Variants in CSGALNACT1 observed in about 807,000 individuals in gnomAD.
The protein encoded by CSGALNACT1 is chondroitin sulfate N-acetylgalactosaminyltransferase 1, also known as beta4GalNAcT-1.
Under a neutral mutation model 51.0 loss-of-function variants are expected in CSGALNACT1, and 52 were observed. The observed-to-expected ratio is 1.02, with a 90% CI of 0.82 to 1.29. CSGALNACT1 has a LOEUF of 1.29. Among genes scored for constraint, CSGALNACT1 ranks in the 50% most tolerant of loss-of-function variants. The probability of loss-of-function intolerance (pLI) is 0.00; values close to 1 mark genes in which losing one functional copy is unlikely to be tolerated. For synonymous variants in CSGALNACT1, 341 were observed against 254.4 expected (o/e 1.34, Z -3.24); for missense variants, 935 against 679.2 (o/e 1.38, Z -4.19).
At chr8:19,753,809 G>C (rs1202074289) in intron 1 of CSGALNACT1, among the ~76,000 whole-genome samples, 1 of 152,134 alleles carries the variant, frequency 6.6e-6, no homozygotes, top group African/African-American at 2.4e-5. Flanking sequence ...TATATACATT[G>C]TCAGTAATTT....
intron 1 of CSGALNACT1, among the ~76,000 whole-genome samples, chr8:19,737,565 A>G (rs1469791090): frequency 6.6e-6 from 1 of 152,164 alleles, no homozygotes; most frequent in Non-Finnish European, 1.5e-5. Context: ...TAGAATGTGT[A>G]ACTTCCAAAC....
chr8:19,617,166 A>G (rs2053144407), intron 1 of CSGALNACT1, among the ~76,000 whole-genome samples: 1 of 152,186 alleles, frequency 6.6e-6, no homozygotes, highest in South Asian at 2.1e-4. Flanking sequence ...GCAGTTCACA[A>G]TAGGGTTAAC....
chr8:19,514,015 G>T (rs1769503270), intron 3 of CSGALNACT1, among the ~76,000 whole-genome samples: 2 of 152,120 alleles, frequency 1.3e-5, no homozygotes, highest in Non-Finnish European at 2.9e-5. Context: ...GTTTTCAGGT[G>T]TCAGAGATCT....
In CSGALNACT1 at chr8:19,506,157, C is replaced by A. The variant is rs2077288115; in HGVS notation, c.-296-27G>T. ...TGGGAAGAAACACAAATGACATCAA[C>A]ACTTAATCAAGACAACGACTCCCTC... is the stretch of plus-strand genomic sequence containing the variant. On this transcript the variant is annotated intron_variant, in intron 3 of 9. Coordinates refer to ENST00000454498, the Ensembl canonical transcript of CSGALNACT1. 4 of 554,580 alleles carry A rather than the reference C, an allele frequency of 7.2e-6. No homozygotes were observed. The East Asian group carries it at 1.7e-4, about 23-fold the overall frequency. 34.4% of individuals were successfully genotyped at this position (554,580 alleles called of 1,614,324 possible).
chr8:19,518,987 G>C (rs1471027277), intron 3 of CSGALNACT1, among the ~76,000 whole-genome samples: 2 of 152,186 alleles, frequency 1.3e-5, no homozygotes, highest in Non-Finnish European at 2.9e-5. Flanking sequence ...TGTACATTAT[G>C]AGCAGGTAGA....
At chr8:19,606,989 A>AC (rs1449610521), upstream of CSGALNACT1, among the ~76,000 whole-genome samples, 25 of 152,026 alleles carry the variant, frequency 1.6e-4, no homozygotes, top group Admixed American at 5.2e-4. Flanking sequence ...CCCTGTCTGT[A>AC]CTAAAAATAC....
chr8:19,434,017 A>C (rs2060014168), intron 6 of CSGALNACT1, among the ~76,000 whole-genome samples: 1 of 152,176 alleles, frequency 6.6e-6, no homozygotes, highest in Non-Finnish European at 1.5e-5. Context: ...ATGGGAATAG[A>C]GCAAGTTAAA....
At chr8:19,716,033 TTC>T (rs948331304) in intron 1 of CSGALNACT1, among the ~76,000 whole-genome samples, 3 of 152,220 alleles carry the variant, frequency 2.0e-5, no homozygotes, top group Non-Finnish European at 4.4e-5. Context: ...TCGGAGGTTG[TTC>T]TCTTATTCTG....
chr8:19,472,361 T>C (rs1261687138), intron 4 of CSGALNACT1, among the ~76,000 whole-genome samples: 2 of 152,194 alleles, frequency 1.3e-5, no homozygotes, highest in Non-Finnish European at 2.9e-5. Context: ...GACCAAGCTA[T>C]TGTCTTTGGC....
At chr8:19,494,691 A>G in intron 4 of CSGALNACT1, among the ~76,000 whole-genome samples, 1 of 152,170 alleles carries the variant, frequency 6.6e-6, no homozygotes, top group Non-Finnish European at 1.5e-5. Context: ...ACTTAACCTG[A>G]GTACCTCCTC....
chr8:19,560,738 A>G (rs2040519591), intron 3 of CSGALNACT1, among the ~76,000 whole-genome samples: 1 of 152,220 alleles, frequency 6.6e-6, no homozygotes, highest in East Asian at 1.9e-4. Context: ...CAAAGATGTA[A>G]CACCACTTGG....
chr8:19,580,312 G>A (rs1271795686), intron 3 of CSGALNACT1, among the ~76,000 whole-genome samples: 1 of 152,198 alleles, frequency 6.6e-6, no homozygotes, highest in African/African-American at 2.4e-5. Context: ...AAAATAAACA[G>A]AAAGCTTCTG....
At chr8:19,453,887 G>C (rs558501062) in intron 5 of CSGALNACT1, among the ~76,000 whole-genome samples, 2 of 152,118 alleles carry the variant, frequency 1.3e-5, no homozygotes, top group Non-Finnish European at 2.9e-5. Context: ...ACTCCAGCCT[G>C]GGTGACAGAG....
intron 4 of CSGALNACT1, among the ~76,000 whole-genome samples, chr8:19,485,387 A>G (rs1205639512): frequency 6.6e-6 from 1 of 152,040 alleles, no homozygotes; most frequent in African/African-American, 2.4e-5. Flanking sequence ...ACTGTGAGAG[A>G]TAAAAATAAA....
At chr8:19,406,438 A>T (rs1469582345) in intron 9 of CSGALNACT1, among the ~76,000 whole-genome samples, 1 of 152,056 alleles carries the variant, frequency 6.6e-6, no homozygotes, top group Non-Finnish European at 1.5e-5. Context: ...GTGATTATGA[A>T]TTAGCTATTG....
Position 19,644,037 on chromosome 8 carries a change from T to C in CSGALNACT1, c.-544+38436A>G, listed in dbSNP as rs1235515786. 3.3e-5 allele frequency among the ~76,000 whole-genome samples: 5 copies of C among 152,230 alleles called. No individual in the cohort carries two copies. The South Asian group carries it at 1.0e-3, about 31-fold the overall frequency. ...ATTGTTCATAAAATTGTAATTTACATGCCTAACATTGGAGAATGCTAAGTT... is the reference window on the plus strand; with the variant it reads ...ATTGTTCATAAAATTGTAATTTACACGCCTAACATTGGAGAATGCTAAGTT... On this transcript the variant is annotated intron_variant, in intron 1 of 9. Coordinates refer to the CSGALNACT1 transcript ENST00000332246.
chr8:19,542,796 TA>T (rs2085528832), intron 3 of CSGALNACT1, among the ~76,000 whole-genome samples: 1 of 152,188 alleles, frequency 6.6e-6, no homozygotes. Flanking sequence ...ACATAATTCA[TA>T]AGTTGTTTTA....
At chr8:19,422,464 T>C (rs996683404) in intron 6 of CSGALNACT1, among the ~76,000 whole-genome samples, 5 of 152,062 alleles carry the variant, frequency 3.3e-5, no homozygotes, top group African/African-American at 4.8e-5. Context: ...ATTACAGGCA[T>C]GAGATACCAC....
At chr8:19,750,411 G>C (rs1165811240) in intron 1 of CSGALNACT1, among the ~76,000 whole-genome samples, 1 of 152,188 alleles carries the variant, frequency 6.6e-6, no homozygotes, top group Non-Finnish European at 1.5e-5. Context: ...CACTCTGTCA[G>C]TAGGGGGCAG....
Sources: gnomAD v4.1 joint callset for allele counts (sites outside exome capture counted in the v4.1 genomes callset) on GRCh38, gnomAD v4.1.1 for gene constraint, MANE v1.5 for transcripts, NCBI Gene and HGNC (gene_info 2026-07-23, HGNC 2026-07-21) for gene names.